ARHGAP24: variants seen among roughly 807,000 people sequenced by gnomAD.
ARHGAP24 encodes rho GTPase-activating protein 24.
In ARHGAP24, 50 loss-of-function variants were observed where a neutral mutation model predicts 76.4. The observed-to-expected ratio is 0.65, with a 90% CI of 0.52 to 0.83. The LOEUF (loss-of-function observed/expected upper bound fraction) is 0.83, where lower values mean the gene tolerates loss of function less well. Among genes scored for constraint, ARHGAP24 ranks in the 40% least tolerant of loss-of-function variants. The probability of loss-of-function intolerance (pLI) is 0.00; values close to 1 mark genes in which losing one functional copy is unlikely to be tolerated. For synonymous variants in ARHGAP24, 345 were observed against 323.3 expected, an observed-to-expected ratio of 1.07 and a Z score of -0.72; for missense variants, 930 against 914.2, an observed-to-expected ratio of 1.02 and a Z score of -0.22.
intron 3 of ARHGAP24, among the ~76,000 whole-genome samples, chr4:85,788,279 G>A (rs1461832413): frequency 6.6e-6 from 1 of 152,070 alleles, no homozygotes; most frequent in African/African-American, 2.4e-5. Context: ...CAGCCACCTG[G>A]CAATATAAAA....
At chr4:85,699,756 T>C (rs930154619) in intron 2 of ARHGAP24, among the ~76,000 whole-genome samples, 2 of 152,174 alleles carry the variant, frequency 1.3e-5, no homozygotes, top group Non-Finnish European at 2.9e-5. Flanking sequence ...TCTAAGGTAG[T>C]ACATAATGTA....
chr4:85,758,563 G>A (rs952591462), intron 3 of ARHGAP24, among the ~76,000 whole-genome samples: 4 of 152,226 alleles, frequency 2.6e-5, no homozygotes, highest in Non-Finnish European at 5.9e-5. Context: ...ATTTGGGCAA[G>A]AGGTTGTAAG....
At chr4:85,646,405 C>T (rs1230057548) in intron 2 of ARHGAP24, among the ~76,000 whole-genome samples, 1 of 151,858 alleles carries the variant, frequency 6.6e-6, no homozygotes, top group Non-Finnish European at 1.5e-5. Flanking sequence ...CAAATAGAAA[C>T]AATTAATTAA....
At chr4:85,555,732 C>T (rs1726330247) in intron 1 of ARHGAP24, among the ~76,000 whole-genome samples, 1 of 152,142 alleles carries the variant, frequency 6.6e-6, no homozygotes, top group Admixed American at 6.5e-5. Context: ...GGGCCTTTCA[C>T]TTGTCTCTCA....
intron 2 of ARHGAP24, among the ~76,000 whole-genome samples, chr4:85,675,614 G>C (rs1722954197): frequency 6.6e-6 from 1 of 152,186 alleles, no homozygotes; most frequent in South Asian, 2.1e-4. Context: ...AAGATGGTGG[G>C]CATTGCCAGT....
In ARHGAP24 at chr4:85,853,843, A is replaced by C. The variant is rs566287089; in HGVS notation, c.269-69805A>C. ...GTGGCACACACCTGTAGTGCCAGCT[A>C]CTCAGGAGGCTGAGGCAGGAGAATC... On this transcript the variant is annotated intron_variant, in intron 3 of 9. Transcript: ENST00000395184. Among the ~76,000 whole-genome samples, 1,028 of 152,224 alleles carry C rather than the reference A, an allele frequency of 6.8e-3. 2 individuals carry two copies. The highest frequency in any genetic ancestry group is 0.011 in the Admixed American group (164 of 15,296).
chr4:85,963,703 A>G (rs530025304), intron 5 of ARHGAP24, among the ~76,000 whole-genome samples: 5 of 152,250 alleles, frequency 3.3e-5, no homozygotes, highest in Admixed American at 3.3e-4. Flanking sequence ...ATGCTCTCAA[A>G]CATATTAATT....
At chr4:85,960,377 T>C (rs981039194) in intron 5 of ARHGAP24, among the ~76,000 whole-genome samples, 40 of 152,314 alleles carry the variant, frequency 2.6e-4, no homozygotes, top group African/African-American at 9.6e-4. Context: ...GAGATAAATG[T>C]CTGTGATATC....
chr4:85,674,007 G>A (rs1395334452), intron 2 of ARHGAP24, among the ~76,000 whole-genome samples: 1 of 152,110 alleles, frequency 6.6e-6, no homozygotes, highest in East Asian at 1.9e-4. Flanking sequence ...ATAATGCACA[G>A]ACTCTCATGA....
chr4:85,667,755 A>C (rs1384374492), intron 2 of ARHGAP24, among the ~76,000 whole-genome samples: 1 of 152,232 alleles, frequency 6.6e-6, no homozygotes, highest in Non-Finnish European at 1.5e-5. Flanking sequence ...ATCATAAAGA[A>C]TTAAAGGTTT....
intron 2 of ARHGAP24, among the ~76,000 whole-genome samples, chr4:85,608,330 G>C (rs1720270572): frequency 6.6e-6 from 1 of 152,030 alleles, no homozygotes; most frequent in South Asian, 2.1e-4. Context: ...GTCAATAAAG[G>C]CAACAAGTTG....
intron 2 of ARHGAP24, among the ~76,000 whole-genome samples, chr4:85,699,272 G>A (rs1216593930): frequency 6.6e-6 from 1 of 152,106 alleles, no homozygotes; most frequent in African/African-American, 2.4e-5. Context: ...TATGCAGAAG[G>A]AAATCAAACT....
intron 3 of ARHGAP24, among the ~76,000 whole-genome samples, chr4:85,752,638 C>A (rs1391140969): frequency 2.6e-5 from 4 of 152,162 alleles, no homozygotes; most frequent in African/African-American, 9.7e-5. Flanking sequence ...TGGAAAGAGA[C>A]AGGCTTGGGT....
chr4:85,698,401 G>A (rs571994763), intron 2 of ARHGAP24, among the ~76,000 whole-genome samples: 99 of 152,168 alleles, frequency 6.5e-4, no homozygotes, highest in Non-Finnish European at 6.9e-4. Flanking sequence ...TCTTCAGAGA[G>A]ATCATTAACA....
chr4:85,821,942 A>C (rs1729491586), intron 3 of ARHGAP24, among the ~76,000 whole-genome samples: 1 of 152,202 alleles, frequency 6.6e-6, no homozygotes, highest in South Asian at 2.1e-4. Flanking sequence ...GTTTTTCTTA[A>C]GAGAGTTTAT....
chr4:85,843,851 G>C (rs1405405842), intron 3 of ARHGAP24, among the ~76,000 whole-genome samples: 1 of 152,032 alleles, frequency 6.6e-6, no homozygotes, highest in African/African-American at 2.4e-5. Flanking sequence ...TATTATAAAT[G>C]TTGACATTGA....
In ARHGAP24 at chr4:85,994,843, G is replaced by C; in HGVS notation, c.1189G>C (p.Gly397Arg). Residue 397 changes from glycine (G) to arginine (R), a missense_variant, in exon 9 of 10, where the codon GGC becomes CGC. By Grantham distance (125) the Gly-to-Arg change is moderately radical. Transcript: ENST00000395184. ...MNNGSPTALSGSKTNSPKNSV... is the reference protein window; with the variant it reads ...MNNGSPTALSRSKTNSPKNSV... Reference sequence around the variant, plus strand: ...CAATGGATCCCCCACAGCTCTATCAGGCAGCAAAACCAACAGCCCAAAGAA... The same window carrying C: ...CAATGGATCCCCCACAGCTCTATCACGCAGCAAAACCAACAGCCCAAAGAA... The C allele has an allele frequency of 6.2e-7, 1 of 1,614,146 alleles. No homozygotes were observed. Among genetic ancestry groups the C allele is most frequent in the Non-Finnish European group, 8.5e-7 (1 of 1,180,030 alleles).
chr4:85,890,382 A>G (rs1733818661), intron 3 of ARHGAP24, among the ~76,000 whole-genome samples: 1 of 152,208 alleles, frequency 6.6e-6, no homozygotes, highest in Admixed American at 6.6e-5. Context: ...TCAGGATACA[A>G]GGATGACTGC....
intron 3 of ARHGAP24, among the ~76,000 whole-genome samples, chr4:85,885,341 A>G (rs1179272826): frequency 6.6e-6 from 1 of 152,084 alleles, no homozygotes; most frequent in Non-Finnish European, 1.5e-5. Context: ...TATAGGTTTT[A>G]AAATATATGT....
Sources: allele counts gnomAD v4.1 joint callset (sites outside exome capture counted in the v4.1 genomes callset), GRCh38; gene constraint gnomAD v4.1.1; transcripts MANE v1.5; gene names NCBI Gene and HGNC (gene_info 2026-07-23, HGNC 2026-07-21).